ARHGAP24: variants seen among roughly 807,000 people sequenced by gnomAD.
ARHGAP24 encodes the protein Rho GTPase activating protein 24.
In ARHGAP24, 50 loss-of-function variants were observed where a neutral mutation model predicts 76.4. The ratio of observed to expected loss-of-function variants is 0.65; its 90% CI spans 0.52 to 0.83. ARHGAP24 has a LOEUF of 0.83. Ranked by LOEUF, ARHGAP24 falls within the 40% of genes least tolerant of loss-of-function variation. The probability of loss-of-function intolerance (pLI) is 0.00; values close to 1 mark genes in which losing one functional copy is unlikely to be tolerated. For synonymous variants in ARHGAP24, 345 were observed against 323.3 expected (o/e 1.07, Z -0.72); for missense variants, 930 against 914.2 (o/e 1.02, Z -0.22).
intron 1 of ARHGAP24, among the ~76,000 whole-genome samples, chr4:85,489,220 G>A (rs555151897): frequency 6.6e-6 from 1 of 152,276 alleles, no homozygotes; most frequent in African/African-American, 2.4e-5. Flanking sequence ...AAAATAACGG[G>A]TTAATCTCTT....
chr4:85,898,562 G>A (rs7666429), intron 3 of ARHGAP24, among the ~76,000 whole-genome samples: 46,511 of 151,936 alleles, frequency 0.31, 7,307 homozygotes, highest in South Asian at 0.43. Flanking sequence ...TTAAAAAGAA[G>A]GATGTCAGGC....
intron 5 of ARHGAP24, among the ~76,000 whole-genome samples, chr4:85,963,670 G>T (rs371822604): frequency 6.6e-6 from 1 of 151,832 alleles, no homozygotes; most frequent in East Asian, 1.9e-4. Context: ...ATTTACATAG[G>T]CACATTATTC....
chr4:85,505,140 G>T (rs1474347057), intron 1 of ARHGAP24, among the ~76,000 whole-genome samples: 1 of 152,082 alleles, frequency 6.6e-6, no homozygotes, highest in African/African-American at 2.4e-5. Flanking sequence ...CTTTCTCTCT[G>T]GCTGCCCTTA....
At chr4:85,861,000 G>GCACACACA (rs70948764) in intron 3 of ARHGAP24, among the ~76,000 whole-genome samples, 144 of 137,506 alleles carry the variant, frequency 1.0e-3, no homozygotes, top group Middle Eastern at 3.7e-3. Flanking sequence ...GTGCATGCAC[G>GCACACACA]CACACACACA....
intron 1 of ARHGAP24, among the ~76,000 whole-genome samples, chr4:85,566,807 G>C (rs1353227967): frequency 3.9e-5 from 6 of 152,190 alleles, no homozygotes; most frequent in Non-Finnish European, 8.8e-5. Context: ...ACAGTTCAGC[G>C]ATAGAGAATA....
At chr4:85,550,686 G>C (rs1282030507) in intron 1 of ARHGAP24, among the ~76,000 whole-genome samples, 1 of 152,166 alleles carries the variant, frequency 6.6e-6, no homozygotes, top group Non-Finnish European at 1.5e-5. Context: ...CCTGAGCATG[G>C]AATGTTTTTC....
chr4:85,626,149 C>A (rs1720945496), intron 2 of ARHGAP24, among the ~76,000 whole-genome samples: 2 of 152,202 alleles, frequency 1.3e-5, no homozygotes, highest in Non-Finnish European at 2.9e-5. Context: ...TTAGTTGATG[C>A]AGTTTCTTCC....
intron 2 of ARHGAP24, among the ~76,000 whole-genome samples, chr4:85,643,234 G>GTGGTT (rs1721592505): frequency 1.8e-5 from 1 of 54,630 alleles, no homozygotes; most frequent in African/African-American, 5.9e-5. Context: ...GTTTTTTTGT[G>GTGGTT]TTTTTTTTTT....
chr4:85,519,700 C>T (rs547199239), intron 1 of ARHGAP24, among the ~76,000 whole-genome samples: 3 of 152,266 alleles, frequency 2.0e-5, no homozygotes, highest in South Asian at 2.1e-4. Flanking sequence ...TGAAAATATT[C>T]GTTTCTGAAG....
At chr4:85,675,544 G>A (rs1722950888) in intron 2 of ARHGAP24, among the ~76,000 whole-genome samples, 1 of 152,096 alleles carries the variant, frequency 6.6e-6, no homozygotes, top group African/African-American at 2.4e-5. Flanking sequence ...AACAATTTAT[G>A]GATAACCTTC....
At chr4:85,626,270 T>A (rs1481479038) in intron 2 of ARHGAP24, among the ~76,000 whole-genome samples, 2 of 152,188 alleles carry the variant, frequency 1.3e-5, no homozygotes, top group African/African-American at 2.4e-5. Flanking sequence ...GGCCTGGTGG[T>A]GACAAAATCT....
chr4:85,537,810 A>G (rs556597480), intron 1 of ARHGAP24, among the ~76,000 whole-genome samples: 2 of 152,338 alleles, frequency 1.3e-5, no homozygotes, highest in African/African-American at 4.8e-5. Context: ...AAAGCTTAAA[A>G]GCAGTCATTC....
chr4:85,800,600 AGAG>A (rs773800457), intron 3 of ARHGAP24, among the ~76,000 whole-genome samples: 10 of 151,984 alleles, frequency 6.6e-5, no homozygotes, highest in Non-Finnish European at 1.0e-4. Flanking sequence ...AGAAGAAAAA[AGAG>A]GAGGAGGAAA....
At chr4:85,945,934 G>C (rs1737240915) in intron 5 of ARHGAP24, among the ~76,000 whole-genome samples, 1 of 152,018 alleles carries the variant, frequency 6.6e-6, no homozygotes, top group Non-Finnish European at 1.5e-5. Flanking sequence ...CTGAGACTGG[G>C]TAATTTATAT....
chr4:85,971,329 A>T (rs1056328025), intron 5 of ARHGAP24, among the ~76,000 whole-genome samples: 1 of 152,120 alleles, frequency 6.6e-6, no homozygotes, highest in Non-Finnish European at 1.5e-5. Context: ...TAGATTTGGT[A>T]TTTTTTTGTA....
chr4:85,610,412 C>T (rs1432976988), intron 2 of ARHGAP24, among the ~76,000 whole-genome samples: 1 of 131,018 alleles, frequency 7.6e-6, no homozygotes, highest in Non-Finnish European at 1.5e-5. Context: ...CCACTGCACT[C>T]CAGCCTGGGC....
chr4:85,536,282 A>C (rs576391241), intron 1 of ARHGAP24, among the ~76,000 whole-genome samples: 19 of 152,266 alleles, frequency 1.2e-4, no homozygotes, highest in African/African-American at 4.3e-4. Flanking sequence ...TGCTATGAAC[A>C]CATAAACCCT....
intron 1 of ARHGAP24, among the ~76,000 whole-genome samples, chr4:85,486,749 G>A (rs1723063805): frequency 6.6e-6 from 1 of 152,044 alleles, no homozygotes; most frequent in Admixed American, 6.6e-5. Flanking sequence ...AATGGCTTGC[G>A]GAAGTTTCCA....
At chr4:85,951,278 C>T (rs1378522126) in intron 5 of ARHGAP24, among the ~76,000 whole-genome samples, 2 of 151,508 alleles carry the variant, frequency 1.3e-5, no homozygotes, top group East Asian at 3.9e-4. Context: ...GAAAGAAAAT[C>T]CATAATTTCC....
Sources: allele counts gnomAD v4.1 joint callset (sites outside exome capture counted in the v4.1 genomes callset), GRCh38; gene constraint gnomAD v4.1.1; transcripts MANE v1.5; gene names NCBI Gene and HGNC (gene_info 2026-07-23, HGNC 2026-07-21).